The following ASB1 variants were observed in gnomAD, a reference collection of about 807,000 sequenced individuals.
The protein encoded by ASB1 is ankyrin repeat and SOCS box containing 1, also known as ankyrin repeat and SOCS box protein 1.
Under a neutral mutation model 27.7 loss-of-function variants are expected in ASB1, and 18 were observed. The observed-to-expected ratio is 0.65, with a 90% CI of 0.45 to 0.96. The LOEUF is 0.96. Ranked by LOEUF, ASB1 falls within the 50% of genes least tolerant of loss-of-function variation. The probability of loss-of-function intolerance (pLI) is 0.00; values close to 1 mark genes in which losing one functional copy is unlikely to be tolerated. For synonymous variants in ASB1, 189 were observed against 187.6 expected, an observed-to-expected ratio of 1.01 and a Z score of -0.06; for missense variants, 397 against 451.7, an observed-to-expected ratio of 0.88 and a Z score of 1.10.
At chr2:238,442,243 G>A (rs755210112) in intron 3 of ASB1, among the ~76,000 whole-genome samples, 1 of 151,856 alleles carries the variant, frequency 6.6e-6, no homozygotes, top group Non-Finnish European at 1.5e-5. Context: ...AGCCTCCCGA[G>A]TAGCTGGGAT....
At chr2:238,427,174 G>T in intron 1 of ASB1, 55 bp downstream of exon 1, 1 of 1,188,958 alleles carries the variant, frequency 8.4e-7, no homozygotes, top group Non-Finnish European at 1.1e-6. Flanking sequence ...CGAAGGGCTG[G>T]CTCCGGCGTC....
chr2:238,435,376 G>A (rs1019054618), intron 2 of ASB1: 11 of 298,750 alleles, frequency 3.7e-5, no homozygotes, highest in African/African-American at 2.2e-4. Flanking sequence ...TGTTCATTTG[G>A]CACTGCCTCC....
At chr2:238,440,459 C>T (rs1702057571) in intron 3 of ASB1, among the ~76,000 whole-genome samples, 1 of 152,320 alleles carries the variant, frequency 6.6e-6, no homozygotes, top group East Asian at 1.9e-4. Flanking sequence ...GTGAGAAACC[C>T]AGTTCCCCTG....
rs750145420 is a variant in ASB1 at position 238,435,985 on chromosome 2, C to G, written c.466C>G (p.Arg156Gly). The G allele has an allele frequency of 1.2e-6, 2 of 1,613,336 alleles. No homozygotes were observed. Among genetic ancestry groups the G allele is most frequent in the Non-Finnish European group, 1.7e-6 (2 of 1,179,804 alleles). The change falls in exon 3 of 5, where the codon CGG (arginine) becomes GGG (glycine). Residue 156 changes from arginine to glycine, a missense_variant. Physicochemically the swap from Arg to Gly is moderately radical, Grantham distance 125. Coordinates refer to ENST00000264607, the MANE Select transcript of ASB1 (RefSeq NM_001040445.3). ...TPVYHASRVGRADILKALIRY... is the reference protein window; with the variant it reads ...TPVYHASRVGGADILKALIRY... ...TGTCTACCACGCCTCTCGCGTGGGCCGGGCAGACATCCTGAAGGCCCTCAT... is the reference window on the plus strand; with the variant it reads ...TGTCTACCACGCCTCTCGCGTGGGCGGGGCAGACATCCTGAAGGCCCTCAT...
intron 1 of ASB1, 66 bp downstream of exon 1, chr2:238,427,185 C>T: frequency 4.4e-6 from 5 of 1,143,286 alleles, no homozygotes; most frequent in South Asian, 4.2e-5. Flanking sequence ...CTCCGGCGTC[C>T]CTGCCGAGGT....
In ASB1 at chr2:238,427,088, C is replaced by T; in HGVS notation, c.18C>T (p.Ser6=). ...AAGCATCCATGGCGGAGGGCGGCAGCCCAGACGGGCGGGCAGGGCCGGGCT... is the reference window on the plus strand; with the variant it reads ...AAGCATCCATGGCGGAGGGCGGCAGTCCAGACGGGCGGGCAGGGCCGGGCT... The part of the protein sequence containing the change: MAEGG[S]PDGRAGPGSA... Residue 6 remains serine (S), a synonymous_variant, in exon 1 of 5, where the codon AGC becomes AGT. Transcript: ENST00000264607. 2.4e-6 allele frequency: 3 copies of T among 1,262,882 alleles called. No individual in the cohort carries two copies. Among genetic ancestry groups the T allele is most frequent in the Non-Finnish European group, 2.0e-6 (2 of 1,005,128 alleles). The allele number at this position is 1,262,882 out of a possible 1,614,324, so 78.2% of individuals were successfully genotyped here.
intron 3 of ASB1, 25 bp downstream of exon 3, chr2:238,436,038 C>T (rs1701965663): frequency 1.9e-6 from 3 of 1,540,564 alleles, no homozygotes; most frequent in Non-Finnish European, 2.6e-6. Flanking sequence ...GCTCGCCTGG[C>T]TCCTGCAGCC....
chr2:238,431,688 G>A (rs1176023978), intron 1 of ASB1, among the ~76,000 whole-genome samples: 1 of 152,158 alleles, frequency 6.6e-6, no homozygotes, highest in African/African-American at 2.4e-5. Flanking sequence ...AGAAGCTGTT[G>A]TAGGGTTATT....
In ASB1 at chr2:238,447,553, G is replaced by GC. The variant is rs1702204784; in HGVS notation, c.*1043dup. On this transcript the variant is annotated 3_prime_UTR_variant, in exon 5 of 5. Coordinates refer to ENST00000264607, the MANE Select transcript of ASB1 (RefSeq NM_001040445.3). ...TGATAGCTTTGGCTGCATGAGTTGG[G>GC]CTTCCCCTTACCCAGGGCTGCACAG... 6.6e-6 allele frequency: 1 copy of GC among 152,322 alleles called. No homozygotes were observed. The highest frequency in any genetic ancestry group is 2.4e-5 in the African/African-American group (1 of 41,466). 9.4% of individuals were successfully genotyped at this position (152,322 alleles called of 1,614,324 possible). A position where few individuals can be genotyped will look rare whatever the true frequency, so the allele number is the denominator to read the frequency against.
intron 4 of ASB1, among the ~76,000 whole-genome samples, chr2:238,445,650 C>G (rs1008586325): frequency 6.6e-6 from 1 of 152,166 alleles, no homozygotes. Flanking sequence ...CATGTCACCC[C>G]CTCCCACCGC....
At chr2:238,428,120 T>G (rs1701797380) in intron 1 of ASB1, among the ~76,000 whole-genome samples, 1 of 152,184 alleles carries the variant, frequency 6.6e-6, no homozygotes, top group Non-Finnish European at 1.5e-5. Flanking sequence ...GGGCTTTGGT[T>G]GGCGTTGACT....
intron 2 of ASB1, among the ~76,000 whole-genome samples, chr2:238,434,115 C>T (rs1701922650): frequency 6.6e-6 from 1 of 152,216 alleles, no homozygotes; most frequent in South Asian, 2.1e-4. Context: ...TCTAGCTTCT[C>T]AGGCCCTCAG....
chr2:238,451,803 C>T lies in ASB1; in HGVS notation c.*5292C>T, dbSNP rs138112061. The T allele has an allele frequency of 6.6e-6, 1 of 152,560 alleles. No homozygotes were observed. The highest frequency in any genetic ancestry group is 1.5e-5 in the Non-Finnish European group (1 of 68,034). The allele number at this position is 152,560 out of a possible 1,614,324, so 9.5% of individuals were successfully genotyped here. ...TCAACAGGTGGAAGTGTTGGTCGTG[C>T]GAAATCTTGGTATTCGCATTTCAAG... On this transcript the variant is annotated 3_prime_UTR_variant, in exon 5 of 5. Transcript: ENST00000264607.
rs1702259980 is a variant in ASB1 at position 238,450,419 on chromosome 2, T to C, written c.*3908T>C. 6.6e-6 allele frequency: 1 copy of C among 152,262 alleles called. No homozygotes were observed. The highest frequency in any genetic ancestry group is 6.5e-5 in the Admixed American group (1 of 15,286). The allele number at this position is 152,262 out of a possible 1,614,324, so 9.4% of individuals were successfully genotyped here. ...AAGTAGAGGGCAATATTTTTGCTTTTTGAAATGCTCTTGGTTGCAAAACAA... is the reference window on the plus strand; with the variant it reads ...AAGTAGAGGGCAATATTTTTGCTTTCTGAAATGCTCTTGGTTGCAAAACAA... On this transcript the variant is annotated 3_prime_UTR_variant, in exon 5 of 5. Transcript: ENST00000264607.
chr2:238,427,796 G>C (rs973392091), intron 1 of ASB1: 1 of 152,480 alleles, frequency 6.6e-6, no homozygotes, highest in Non-Finnish European at 1.5e-5. Flanking sequence ...CCGGTGGTGT[G>C]GTGGGAGTTC....
At position 238,449,032 on chromosome 2, in the gene ASB1, G is replaced by A. The variant is rs996995429; in HGVS notation, c.*2521G>A. ...TCAGCTTTTCATTTGCAGAGGACAT[G>A]TTCAACTTCCTCTCTGTTCAAGCCA... On this transcript the variant is annotated 3_prime_UTR_variant, in exon 5 of 5. Transcript: ENST00000264607. 1.3e-5 allele frequency: 2 copies of A among 152,232 alleles called. No individual in the cohort carries two copies. Among genetic ancestry groups the A allele is most frequent in the African/African-American group, 4.8e-5 (2 of 41,446 alleles). 9.4% of individuals were successfully genotyped at this position (152,232 alleles called of 1,614,324 possible). A position where few individuals can be genotyped will look rare whatever the true frequency, so the allele number is the denominator to read the frequency against.
intron 3 of ASB1, among the ~76,000 whole-genome samples, chr2:238,437,372 C>T (rs1559413932): frequency 6.6e-6 from 1 of 152,114 alleles, no homozygotes; most frequent in Non-Finnish European, 1.5e-5. Flanking sequence ...GCTGGGACTA[C>T]AGGTGCCCAC....
In ASB1 at chr2:238,446,836, A is replaced by G. The variant is rs1420427330; in HGVS notation, c.*325A>G. 3 of 257,344 alleles carry G rather than the reference A, an allele frequency of 1.2e-5. No homozygotes were observed. The highest frequency in any genetic ancestry group is 2.2e-5 in the Non-Finnish European group (3 of 134,516). The allele number at this position is 257,344 out of a possible 1,614,324, so 15.9% of individuals were successfully genotyped here. ...GCCTACTAATTTCCCTGTAGGGAAG[A>G]CTCCCAGCACTTCTGGAACTGTGCT... is the stretch of plus-strand genomic sequence containing the variant. On this transcript the variant is annotated 3_prime_UTR_variant, in exon 5 of 5. Coordinates refer to ENST00000264607, the MANE Select transcript of ASB1 (RefSeq NM_001040445.3).
At chr2:238,434,218 T>C (rs1479992779) in intron 2 of ASB1, among the ~76,000 whole-genome samples, 1 of 152,248 alleles carries the variant, frequency 6.6e-6, no homozygotes, top group East Asian at 1.9e-4. Flanking sequence ...TCCCCTGTCC[T>C]GGCCTTGCCA....
Sources: gnomAD v4.1 joint callset for allele counts (sites outside exome capture counted in the v4.1 genomes callset) on GRCh38, gnomAD v4.1.1 for gene constraint, MANE v1.5 for transcripts, NCBI Gene and HGNC (gene_info 2026-07-23, HGNC 2026-07-21) for gene names.